UNC13C: variants seen among roughly 807,000 people sequenced by gnomAD.
The protein encoded by UNC13C is protein unc-13 homolog C.
A neutral mutation model predicts 245.4 loss-of-function variants in UNC13C; 174 were observed. The ratio of observed to expected loss-of-function variants is 0.71; its 90% CI spans 0.63 to 0.80. The LOEUF is 0.80. Ranked by LOEUF, UNC13C falls within the 30% of genes least tolerant of loss-of-function variation. UNC13C has a pLI of 0.00. For synonymous variants in UNC13C, 992 were observed against 895.1 expected (o/e 1.11, Z -1.93); for missense variants, 2,829 against 2,602.9 (o/e 1.09, Z -1.89).
At chr15:54,521,386 A>G (rs934916991) in intron 24 of UNC13C, among the ~76,000 whole-genome samples, 1 of 152,206 alleles carries the variant, frequency 6.6e-6, no homozygotes, top group South Asian at 2.1e-4. Context: ...GTGAAGAAGA[A>G]ATAAAATTCA....
intron 18 of UNC13C, among the ~76,000 whole-genome samples, chr15:54,408,351 C>T (rs1175190797): frequency 6.6e-6 from 1 of 151,728 alleles, no homozygotes; most frequent in Non-Finnish European, 1.5e-5. Flanking sequence ...TTTCCCTTTA[C>T]ATCTCCTCTA....
intron 8 of UNC13C, among the ~76,000 whole-genome samples, chr15:54,250,720 T>A (rs375655226): frequency 1.3e-5 from 2 of 149,108 alleles, no homozygotes; most frequent in African/African-American, 5.0e-5. Flanking sequence ...TCCTATCTAT[T>A]TTCTTTTTTG....
chr15:54,600,037 C>T (rs1031504230), intron 30 of UNC13C, among the ~76,000 whole-genome samples: 1 of 152,064 alleles, frequency 6.6e-6, no homozygotes, highest in African/African-American at 2.4e-5. Flanking sequence ...TCTAATATAG[C>T]AGGCATATGA....
intron 17 of UNC13C, among the ~76,000 whole-genome samples, chr15:54,382,079 A>T (rs1246467371): frequency 6.6e-6 from 1 of 152,208 alleles, no homozygotes; most frequent in Non-Finnish European, 1.5e-5. Flanking sequence ...ACTAGAAATC[A>T]ATAGCAAGAA....
At chr15:54,455,624 T>C (rs979297191) in intron 19 of UNC13C, among the ~76,000 whole-genome samples, 4 of 151,832 alleles carry the variant, frequency 2.6e-5, no homozygotes, top group Admixed American at 6.6e-5. Context: ...AATTTGAGCA[T>C]TTTTTCATGT....
At chr15:54,268,326 C>A (rs2036599948) in intron 10 of UNC13C, among the ~76,000 whole-genome samples, 1 of 151,994 alleles carries the variant, frequency 6.6e-6, no homozygotes, top group Non-Finnish European at 1.5e-5. Flanking sequence ...ATCTTCCATG[C>A]CTCAACTTAA....
chr15:54,579,955 T>C (rs1004387485), intron 30 of UNC13C, among the ~76,000 whole-genome samples: 1 of 152,216 alleles, frequency 6.6e-6, no homozygotes, highest in Non-Finnish European at 1.5e-5. Context: ...TGATACTTTT[T>C]AATATTTTTG....
rs754971900 is a variant in UNC13C, at chr15:54,485,787, T to A, written c.4934-8821T>A. On this transcript the variant is annotated intron_variant, in intron 19 of 32. Transcript: ENST00000260323. ...CTTTGAGCTTGTCAAGCACACTTTT[T>A]TGCTTGAGGGCCATTTCACTGTCTG... is the stretch of plus-strand genomic sequence containing the variant. Among the ~76,000 whole-genome samples, 26 of 152,156 alleles carry A rather than the reference T, an allele frequency of 1.7e-4. 1 individual carries two copies. The highest frequency in any genetic ancestry group is 1.0e-3 in the Admixed American group (16 of 15,276).
intron 2 of UNC13C, among the ~76,000 whole-genome samples, chr15:54,132,033 A>G (rs944939582): frequency 7.2e-6 from 1 of 138,016 alleles, no homozygotes; most frequent in Admixed American, 7.3e-5. Context: ...TAACATCCTT[A>G]TGATACTGAA....
intron 19 of UNC13C, among the ~76,000 whole-genome samples, chr15:54,449,366 G>A (rs1354021215): frequency 1.3e-5 from 2 of 152,324 alleles, no homozygotes; most frequent in South Asian, 2.1e-4. Flanking sequence ...ATCCTGCACA[G>A]TGTTTTCCAA....
chr15:53,935,886 G>C, the UNC13C span, among the ~76,000 whole-genome samples: 1 of 152,170 alleles, frequency 6.6e-6, no homozygotes, highest in Non-Finnish European at 1.5e-5. Context: ...CAAAGTCTTG[G>C]TGGGGTGCAG....
chr15:53,924,240 C>CA, the UNC13C span, among the ~76,000 whole-genome samples: 4 of 141,884 alleles, frequency 2.8e-5, no homozygotes, highest in Non-Finnish European at 6.4e-5. Context: ...AAAACAAAAA[C>CA]AAAAAAAGAG....
chr15:54,021,747 A>G (rs895100646), intron 2 of UNC13C, among the ~76,000 whole-genome samples: 3 of 152,240 alleles, frequency 2.0e-5, no homozygotes, highest in South Asian at 2.1e-4. Flanking sequence ...GACTGCATAT[A>G]TGACAGTCTG....
chr15:54,091,306 A>G (rs1899560021), intron 2 of UNC13C, among the ~76,000 whole-genome samples: 2 of 151,976 alleles, frequency 1.3e-5, no homozygotes, highest in African/African-American at 2.4e-5. Context: ...AATAACCTCT[A>G]TTTTGTTCTC....
At chr15:54,429,227 T>C (rs1274002235) in intron 19 of UNC13C, among the ~76,000 whole-genome samples, 2 of 151,780 alleles carry the variant, frequency 1.3e-5, no homozygotes, top group Non-Finnish European at 2.9e-5. Flanking sequence ...GTAAACTTTA[T>C]GATATATAAA....
intron 4 of UNC13C, among the ~76,000 whole-genome samples, chr15:54,216,910 T>C (rs1386937643): frequency 1.3e-5 from 2 of 151,972 alleles, no homozygotes; most frequent in Non-Finnish European, 2.9e-5. Context: ...ACAAGAACTA[T>C]AGCCATACTG....
chr15:54,573,711 A>C (rs1019887097), intron 30 of UNC13C, among the ~76,000 whole-genome samples: 2 of 152,224 alleles, frequency 1.3e-5, no homozygotes, highest in Middle Eastern at 3.2e-3. Flanking sequence ...CAATATCTGC[A>C]GAGCTTTGGT....
At chr15:54,218,996 T>C (rs2140774659) in intron 4 of UNC13C, among the ~76,000 whole-genome samples, 2 of 152,092 alleles carry the variant, frequency 1.3e-5, no homozygotes, top group East Asian at 1.9e-4. Flanking sequence ...GTAGGAAGAA[T>C]CAATATCGTG....
At position 54,132,074 on chromosome 15, in the gene UNC13C, C is replaced by CTTTT. The variant is rs1555420957; in HGVS notation, c.2984-10935_2984-10932dup. Among the ~76,000 whole-genome samples the CTTTT allele has an allele frequency of 5.2e-4, 58 of 110,670 alleles. 2 individuals carry two copies. Among genetic ancestry groups the CTTTT allele is most frequent in the African/African-American group, 1.9e-3 (58 of 31,068 alleles). 72.6% of individuals were successfully genotyped at this position (110,670 alleles called of 152,430 possible). A position where few individuals can be genotyped will look rare whatever the true frequency, so the allele number is the denominator to read the frequency against. ...ATTGCAATTCAGTTTTTTTCTTTTT[C>CTTTT]TTTTTTTTTTTTGACAGCGTCTTGC... On this transcript the variant is annotated intron_variant, in intron 2 of 32. Coordinates refer to ENST00000260323, the MANE Select transcript of UNC13C (RefSeq NM_001080534.3).
Sources: gnomAD v4.1 joint callset for allele counts (sites outside exome capture counted in the v4.1 genomes callset) on GRCh38, gnomAD v4.1.1 for gene constraint, MANE v1.5 for transcripts, NCBI Gene and HGNC (gene_info 2026-07-23, HGNC 2026-07-21) for gene names.